The following SGCZ variants were observed in gnomAD, a reference collection of about 807,000 sequenced individuals.
The protein encoded by SGCZ is sarcoglycan zeta.
In SGCZ, 40 loss-of-function variants were observed where a neutral mutation model predicts 41.3. The ratio of observed to expected loss-of-function variants is 0.97; its 90% CI spans 0.75 to 1.26. The LOEUF (loss-of-function observed/expected upper bound fraction) is 1.26. Among genes scored for constraint, SGCZ ranks in the 50% most tolerant of loss-of-function variants. The pLI, the probability that SGCZ is intolerant of heterozygous loss-of-function variation, is 0.00. For missense variants in SGCZ, 552 were observed against 369.8 expected, an observed-to-expected ratio of 1.49 and a Z score of -4.04; for synonymous variants, 206 against 137.5, an observed-to-expected ratio of 1.50 and a Z score of -3.49.
At chr8:14,887,056 T>C (rs548707955) in intron 1 of SGCZ, among the ~76,000 whole-genome samples, 3 of 152,048 alleles carry the variant, frequency 2.0e-5, no homozygotes, top group African/African-American at 2.4e-5. Flanking sequence ...ATGGGGCAGA[T>C]TGCAAGAGGA....
intron 2 of SGCZ, among the ~76,000 whole-genome samples, chr8:14,447,278 A>C (rs1800459853): frequency 6.6e-6 from 1 of 152,174 alleles, no homozygotes; most frequent in East Asian, 1.9e-4. Context: ...TTTCTTGCTA[A>C]AGTTGCTGGG....
chr8:14,953,915 A>G (rs1329613905), intron 1 of SGCZ, among the ~76,000 whole-genome samples: 1 of 152,206 alleles, frequency 6.6e-6, no homozygotes, highest in Non-Finnish European at 1.5e-5. Flanking sequence ...CATTTACAGG[A>G]GATACTGGCT....
chr8:14,606,086 T>A (rs982070103), intron 1 of SGCZ, among the ~76,000 whole-genome samples: 3 of 152,048 alleles, frequency 2.0e-5, no homozygotes, highest in African/African-American at 7.2e-5. Flanking sequence ...CACTAATATA[T>A]CCATATTTCT....
At chr8:14,515,104 T>C (rs1248465440) in intron 2 of SGCZ, among the ~76,000 whole-genome samples, 3 of 152,018 alleles carry the variant, frequency 2.0e-5, no homozygotes, top group Non-Finnish European at 4.4e-5. Flanking sequence ...CATCCCTCCT[T>C]GCTTACAGCC....
At chr8:15,030,381 A>T (rs1210884498) in intron 1 of SGCZ, among the ~76,000 whole-genome samples, 1 of 152,182 alleles carries the variant, frequency 6.6e-6, no homozygotes, top group Non-Finnish European at 1.5e-5. Context: ...TCCTTAAAGC[A>T]GTAAAAAAAA....
chr8:15,160,407 C>T (rs996051603), intron 1 of SGCZ, among the ~76,000 whole-genome samples: 1 of 152,156 alleles, frequency 6.6e-6, no homozygotes, highest in Non-Finnish European at 1.5e-5. Flanking sequence ...CTCTTGGGTG[C>T]TTCCACCTTT....
At chr8:14,243,352 T>C (rs1180701181) in intron 3 of SGCZ, among the ~76,000 whole-genome samples, 1 of 152,198 alleles carries the variant, frequency 6.6e-6, no homozygotes, top group Non-Finnish European at 1.5e-5. Context: ...CAGAAATACT[T>C]CTTGAATGCA....
chr8:14,280,845 G>C, intron 3 of SGCZ, among the ~76,000 whole-genome samples: 1 of 150,898 alleles, frequency 6.6e-6, no homozygotes, highest in Non-Finnish European at 1.5e-5. Flanking sequence ...TGGTTTCACT[G>C]GCCTACTCTC....
intron 2 of SGCZ, among the ~76,000 whole-genome samples, chr8:14,430,531 C>G (rs566677691): frequency 6.6e-6 from 1 of 152,074 alleles, no homozygotes; most frequent in Non-Finnish European, 1.5e-5. Context: ...AATCTGCATA[C>G]AAGTGACCTA....
chr8:15,109,122 T>C (rs916463019), intron 1 of SGCZ, among the ~76,000 whole-genome samples: 2 of 152,116 alleles, frequency 1.3e-5, no homozygotes, highest in African/African-American at 4.8e-5. Context: ...ACACTCATAA[T>C]AGAGACCTAA....
chr8:14,250,021 C>T (rs1455689522), intron 3 of SGCZ, among the ~76,000 whole-genome samples: 1 of 152,186 alleles, frequency 6.6e-6, no homozygotes, highest in Admixed American at 6.5e-5. Context: ...AATGTACATA[C>T]AAATCATCTG....
chr8:14,362,786 A>G (rs111891029), intron 2 of SGCZ, among the ~76,000 whole-genome samples: 3,099 of 151,794 alleles, frequency 0.02, 85 homozygotes, highest in African/African-American at 0.058. Flanking sequence ...CTATCTCATT[A>G]GGAGCTGTAG....
intron 2 of SGCZ, among the ~76,000 whole-genome samples, chr8:14,476,144 G>A (rs186721442): frequency 1.3e-5 from 2 of 152,178 alleles, no homozygotes; most frequent in African/African-American, 2.4e-5. Context: ...ATGCCCTGAC[G>A]GCTGGGAAAA....
chr8:15,226,637 A>G (rs1563194942), intron 1 of SGCZ, among the ~76,000 whole-genome samples: 1 of 152,150 alleles, frequency 6.6e-6, no homozygotes, highest in South Asian at 2.1e-4. Flanking sequence ...TTATTCTAAA[A>G]TGACTTGTGA....
chr8:14,220,086 C>A (rs1806140058), intron 4 of SGCZ, among the ~76,000 whole-genome samples: 1 of 152,118 alleles, frequency 6.6e-6, no homozygotes, highest in African/African-American at 2.4e-5. Flanking sequence ...ATTGCATCAA[C>A]CTAATAGATC....
intron 1 of SGCZ, among the ~76,000 whole-genome samples, chr8:15,229,913 CAT>C (rs1222678209): frequency 5.9e-5 from 9 of 152,266 alleles, no homozygotes; most frequent in East Asian, 5.8e-4. Flanking sequence ...AGTTTAAAAA[CAT>C]GTGTGGAAAT....
chr8:14,972,029 G>C (rs1001734755), intron 1 of SGCZ, among the ~76,000 whole-genome samples: 2 of 151,832 alleles, frequency 1.3e-5, no homozygotes, highest in African/African-American at 4.8e-5. Flanking sequence ...GTTTGGTTTC[G>C]GGTTATTACT....
intron 5 of SGCZ, among the ~76,000 whole-genome samples, chr8:14,130,457 G>C (rs1803004640): frequency 6.6e-6 from 1 of 151,534 alleles, no homozygotes; most frequent in South Asian, 2.1e-4. Context: ...TAGCTGACTA[G>C]GGGTTCCTGC....
intron 1 of SGCZ, among the ~76,000 whole-genome samples, chr8:14,599,195 A>C (rs1805508245): frequency 6.6e-6 from 1 of 152,054 alleles, no homozygotes; most frequent in Admixed American, 6.6e-5. Flanking sequence ...CTACTCAGAA[A>C]ATTTTCTAAG....
Sources: gnomAD v4.1 joint callset for allele counts (sites outside exome capture counted in the v4.1 genomes callset) on GRCh38, gnomAD v4.1.1 for gene constraint, MANE v1.5 for transcripts, NCBI Gene and HGNC (gene_info 2026-07-23, HGNC 2026-07-21) for gene names.